The following MYO16 variants were observed in gnomAD, a reference collection of about 807,000 sequenced individuals.
MYO16 encodes myosin XVI, also known as unconventional myosin-XVI.
In MYO16, 94 loss-of-function variants were observed where a neutral mutation model predicts 205.3. The observed-to-expected ratio is 0.46, with a 90% CI of 0.39 to 0.54. The LOEUF (loss-of-function observed/expected upper bound fraction) is 0.54. MYO16 is among the 20% of genes least tolerant of loss of function. The pLI is 0.00. For synonymous variants in MYO16, 988 were observed against 954.0 expected (o/e 1.04, Z -0.66); for missense variants, 2,315 against 2,387.5 (o/e 0.97, Z 0.63).
intron 4 of MYO16, among the ~76,000 whole-genome samples, chr13:108,750,616 G>GAAAAAAAAAAAAAAAAAAAA (rs34552172): frequency 7.7e-6 from 1 of 129,726 alleles, no homozygotes. Context: ...TAAAACTACA[G>GAAAAAAAAAAAAAAAAAAAA]AAAAAAAAAA....
intron 23 of MYO16, among the ~76,000 whole-genome samples, chr13:109,024,086 A>G (rs1886277024): frequency 6.8e-6 from 1 of 147,382 alleles, no homozygotes; most frequent in East Asian, 2.0e-4. Flanking sequence ...AAATTTATAT[A>G]CATAAACTAT....
chr13:108,539,223 A>G, the MYO16 span, among the ~76,000 whole-genome samples: 13 of 152,266 alleles, frequency 8.5e-5, no homozygotes, highest in Admixed American at 7.8e-4. Flanking sequence ...TTTAACGTTA[A>G]TAATTTAATG....
chr13:108,802,605 G>C (rs9521057), intron 6 of MYO16, among the ~76,000 whole-genome samples: 98,448 of 152,014 alleles, frequency 0.65, 33,371 homozygotes, highest in East Asian at 0.77. Flanking sequence ...AGTGGGGTTT[G>C]TGGATCATAA....
At position 109,140,689 on chromosome 13, in the gene MYO16, C is replaced by T; in HGVS notation, c.4477C>T (p.Pro1493Ser). 1 of 1,480,812 alleles carries T rather than the reference C, an allele frequency of 6.8e-7. No individual in the cohort carries two copies. The highest frequency in any genetic ancestry group is 2.8e-5 in the East Asian group (1 of 35,126). 91.7% of individuals were successfully genotyped at this position (1,480,812 alleles called of 1,614,324 possible). A position where few individuals can be genotyped will look rare whatever the true frequency, so the allele number is the denominator to read the frequency against. Residue 1493 changes from proline to serine, a missense_variant, in exon 32 of 35, where the codon CCC becomes TCC. By Grantham distance (74) the Pro-to-Ser change is moderately conservative (BLOSUM62 -1). Transcript: ENST00000457511. The surrounding 1 kb of genome is among the most constrained non-coding windows in gnomAD (Gnocchi z 8.0). Reference protein sequence around the residue: ...HRAPEDEAAGPPGDACDIPPP... With the variant: ...HRAPEDEAAGSPGDACDIPPP... Reference sequence around the variant, plus strand: ...CGCGCCGGAGGACGAGGCGGCGGGGCCCCCAGGGGACGCGTGCGACATCCC... The same window carrying T: ...CGCGCCGGAGGACGAGGCGGCGGGGTCCCCAGGGGACGCGTGCGACATCCC...
chr13:108,820,053 TATAA>T (rs1875879970), intron 7 of MYO16, among the ~76,000 whole-genome samples: 1 of 152,212 alleles, frequency 6.6e-6, no homozygotes, highest in African/African-American at 2.4e-5. Flanking sequence ...TAAAAATACG[TATAA>T]TATAAACCTG....
At chr13:109,100,649 A>C (rs572146898) in intron 27 of MYO16, 136 bp from the exon 28 acceptor site, 1 of 597,394 alleles carries the variant, frequency 1.7e-6, no homozygotes, top group African/African-American at 1.8e-5. Context: ...CACAATGGAC[A>C]GGTATTTGGC....
intron 3 of MYO16, among the ~76,000 whole-genome samples, chr13:108,724,845 ACT>A (rs1199681613): frequency 1.3e-5 from 2 of 151,870 alleles, no homozygotes; most frequent in Admixed American, 6.6e-5. Context: ...TAAGCCTTAT[ACT>A]CTCTTGTGAT....
intron 4 of MYO16, among the ~76,000 whole-genome samples, chr13:108,778,271 G>T (rs983598213): frequency 2.2e-4 from 34 of 152,306 alleles, no homozygotes; most frequent in Middle Eastern, 3.4e-3. Context: ...GTCACAGGAG[G>T]TCAAGCTGCT....
intron 20 of MYO16, among the ~76,000 whole-genome samples, chr13:108,987,036 C>T (rs142675969): frequency 3.3e-5 from 5 of 152,148 alleles, no homozygotes; most frequent in East Asian, 3.8e-4. Context: ...GCTTTGTGCA[C>T]GGGACTCCAG....
At chr13:108,596,394 G>GTTTTTGTT (rs55818752) in intron 1 of MYO16, among the ~76,000 whole-genome samples, 54,784 of 151,266 alleles carry the variant, frequency 0.36, 11,278 homozygotes, top group Non-Finnish European at 0.46. Context: ...CTTTGCTTTG[G>GTTTTTGTT]TTTTTGTTTC....
At chr13:108,672,151 A>G (rs1882016332) in intron 2 of MYO16, among the ~76,000 whole-genome samples, 2 of 152,168 alleles carry the variant, frequency 1.3e-5, no homozygotes, top group Admixed American at 1.3e-4. Context: ...TTGGATTGCA[A>G]ATGAAAGTAA....
Position 109,034,055 on chromosome 13 carries a change from G to A in MYO16, c.2797-12861G>A, listed in dbSNP as rs142999000. 5.3e-5 allele frequency among the ~76,000 whole-genome samples: 8 copies of A among 152,194 alleles called. No homozygotes were observed. The East Asian group carries it at 1.5e-3, about 29-fold the overall frequency. On this transcript the variant is annotated intron_variant, in intron 23 of 34. Transcript: ENST00000457511. ...GGCACAGATTCATTCGAGAGCAAAT[G>A]GGCGTACCTTGAAGAAAAAAGACAT... is the stretch of plus-strand genomic sequence containing the variant.
chr13:109,205,579 A>C (rs1880564055), intron 34 of MYO16, among the ~76,000 whole-genome samples: 1 of 152,060 alleles, frequency 6.6e-6, no homozygotes, highest in Non-Finnish European at 1.5e-5. Flanking sequence ...GGATTTCCAG[A>C]ATCTCATTTT....
intron 23 of MYO16, among the ~76,000 whole-genome samples, chr13:109,023,596 T>C (rs1274287783): frequency 7.9e-6 from 1 of 126,182 alleles, no homozygotes; most frequent in Non-Finnish European, 1.6e-5. Flanking sequence ...TATACAAATA[T>C]AAATGTACAT....
At chr13:108,733,935 C>T (rs1183409996) in intron 4 of MYO16, among the ~76,000 whole-genome samples, 1 of 152,162 alleles carries the variant, frequency 6.6e-6, no homozygotes, top group African/African-American at 2.4e-5. Flanking sequence ...CGCCATTGCA[C>T]TCCAGCCTGG....
chr13:108,846,445 T>C (rs2139077565), intron 10 of MYO16, among the ~76,000 whole-genome samples: 1 of 152,010 alleles, frequency 6.6e-6, no homozygotes, highest in East Asian at 1.9e-4. Flanking sequence ...ACCTTTAGCT[T>C]TTACAAAATA....
At chr13:108,804,742 G>C (rs12583747) in intron 6 of MYO16, among the ~76,000 whole-genome samples, 7,413 of 152,140 alleles carry the variant, frequency 0.049, 337 homozygotes, top group East Asian at 0.23. Context: ...GTTTATTTTG[G>C]TTTTGGGATT....
intron 22 of MYO16, among the ~76,000 whole-genome samples, chr13:109,010,521 A>G (rs1006478030): frequency 1.3e-5 from 2 of 152,128 alleles, no homozygotes; most frequent in African/African-American, 2.4e-5. Context: ...CTGAATGTCT[A>G]TCTCCTTTAT....
At chr13:109,170,355 G>A (rs1878874641) in intron 33 of MYO16, among the ~76,000 whole-genome samples, 1 of 152,078 alleles carries the variant, frequency 6.6e-6, no homozygotes, top group African/African-American at 2.4e-5. Flanking sequence ...ACACACTCTA[G>A]AATTACAGAC....
Sources: gnomAD v4.1 joint callset for allele counts (sites outside exome capture counted in the v4.1 genomes callset) on GRCh38, gnomAD v4.1.1 for gene constraint, Gnocchi (gnomAD v3.1) non-coding constraint, MANE v1.5 for transcripts, NCBI Gene and HGNC (gene_info 2026-07-23, HGNC 2026-07-21) for gene names.